GRM5: variants seen among roughly 807,000 people sequenced by gnomAD.
GRM5 encodes metabotropic glutamate receptor 5.
In GRM5, 19 loss-of-function variants were observed where a neutral mutation model predicts 83.1. The observed-to-expected ratio is 0.23, with a 90% confidence interval of 0.16 to 0.34. The LOEUF (loss-of-function observed/expected upper bound fraction) is 0.34, where lower values mean the gene tolerates loss of function less well. Ranked by LOEUF, GRM5 falls within the 10% of genes least tolerant of loss-of-function variation. The pLI is 1.00. For missense variants in GRM5, 1,160 were observed against 1,588.3 expected, an observed-to-expected ratio of 0.73 and a Z score of 4.58; for synonymous variants, 675 against 633.6, an observed-to-expected ratio of 1.07 and a Z score of -0.98.
At chr11:88,614,075 C>G (rs768062795) in intron 4 of GRM5, among the ~76,000 whole-genome samples, 9 of 152,142 alleles carry the variant, frequency 5.9e-5, no homozygotes, top group Non-Finnish European at 2.9e-5. Context: ...GCAACTCTGC[C>G]TCCCAACCAC....
chr11:88,902,579 C>T (rs933161366), intron 2 of GRM5, among the ~76,000 whole-genome samples: 1 of 152,060 alleles, frequency 6.6e-6, no homozygotes, highest in Non-Finnish European at 1.5e-5. Flanking sequence ...GAGAGCACAT[C>T]CAAGTTGCTC....
At chr11:88,924,833 A>T (rs533991920) in intron 2 of GRM5, among the ~76,000 whole-genome samples, 17 of 152,166 alleles carry the variant, frequency 1.1e-4, no homozygotes, top group African/African-American at 4.1e-4. Flanking sequence ...CTCACCACAC[A>T]TAAGTCACCT....
rs546889595 is a variant in GRM5, at chr11:88,814,795, T to C, written c.911+35111A>G. Among the ~76,000 whole-genome samples, 4 of 151,810 alleles carry C rather than the reference T, an allele frequency of 2.6e-5. No homozygotes were observed. The East Asian group carries it at 7.7e-4, about 29-fold the overall frequency. On this transcript the variant is annotated intron_variant, in intron 3 of 9. Coordinates refer to ENST00000305447, the MANE Select transcript of GRM5 (RefSeq NM_001143831.3). ...AGAATAGTGGGAAAAAAACAACCAA[T>C]AATGAAAAAAAATAACAAGTAATTG...
At chr11:88,905,008 T>G (rs1590953284) in intron 2 of GRM5, among the ~76,000 whole-genome samples, 3 of 152,208 alleles carry the variant, frequency 2.0e-5, no homozygotes, top group South Asian at 2.1e-4. Context: ...TATATGATTA[T>G]GCTGCCGAAT....
chr11:88,525,330 C>T lies in GRM5; in HGVS notation c.2705G>A (p.Gly902Asp). 1 of 1,608,168 alleles carries T rather than the reference C, an allele frequency of 6.2e-7. No homozygotes were observed. Among genetic ancestry groups the T allele is most frequent in the Non-Finnish European group, 8.5e-7 (1 of 1,174,646 alleles). ...TTACCTGCTCATTGTTGCTCTCCCA[C>T]CATTCCCCATACTCCCTTTGGGGGT... ...CFTPKGSMGN[G>D]GRATMSSSNG... The change falls in exon 9 of 10, where the codon GGT (glycine) becomes GAT (aspartate). Residue 902 changes from glycine to aspartate, a missense_variant. Around this residue, in one of 9 missense-constraint regions of GRM5, gnomAD observed 562 missense variants for 532.4 expected, o/e 1.06. Coordinates refer to ENST00000305447, the MANE Select transcript of GRM5 (RefSeq NM_001143831.3).
At chr11:88,967,802 G>A (rs1024098940) in intron 2 of GRM5, among the ~76,000 whole-genome samples, 9 of 152,062 alleles carry the variant, frequency 5.9e-5, no homozygotes, top group African/African-American at 2.2e-4. Flanking sequence ...CCATTTGTCT[G>A]AGGCTAGAGG....
At chr11:88,884,978 T>C (rs1301461598) in intron 2 of GRM5, among the ~76,000 whole-genome samples, 4 of 152,186 alleles carry the variant, frequency 2.6e-5, no homozygotes, top group South Asian at 2.1e-4. Flanking sequence ...GTCCTTAAAA[T>C]TGAATAATAT....
chr11:88,656,828 C>A (rs1353200356), intron 3 of GRM5, among the ~76,000 whole-genome samples: 1 of 151,792 alleles, frequency 6.6e-6, no homozygotes, highest in Non-Finnish European at 1.5e-5. Flanking sequence ...ATTTATATAA[C>A]ATGTATGTTA....
chr11:88,553,661 A>G (rs187846519), intron 8 of GRM5, among the ~76,000 whole-genome samples: 1 of 152,268 alleles, frequency 6.6e-6, no homozygotes, highest in African/African-American at 2.4e-5. Flanking sequence ...AGTAGGGGGA[A>G]TTGGTAGAAC....
chr11:88,695,311 A>C (rs1417414619), intron 3 of GRM5, among the ~76,000 whole-genome samples: 1 of 152,206 alleles, frequency 6.6e-6, no homozygotes, highest in Non-Finnish European at 1.5e-5. Flanking sequence ...TTGCTTGATC[A>C]TTTCTTAACC....
At chr11:89,002,343 C>A (rs1287511568) in intron 2 of GRM5, among the ~76,000 whole-genome samples, 1 of 152,090 alleles carries the variant, frequency 6.6e-6, no homozygotes, top group Non-Finnish European at 1.5e-5. Context: ...CGGATATGCA[C>A]TGATTTTGTT....
At chr11:88,544,396 C>T (rs976937023) in intron 8 of GRM5, among the ~76,000 whole-genome samples, 12 of 152,196 alleles carry the variant, frequency 7.9e-5, no homozygotes, top group African/African-American at 2.7e-4. Context: ...CTGTCTGGTT[C>T]ACATTTTAGA....
chr11:89,056,896 A>G (rs1941888345), intron 1 of GRM5, among the ~76,000 whole-genome samples: 1 of 152,178 alleles, frequency 6.6e-6, no homozygotes, highest in Non-Finnish European at 1.5e-5. Flanking sequence ...ATAGAAAACA[A>G]TAGACATATT....
chr11:88,991,967 T>G (rs550435291), intron 2 of GRM5, among the ~76,000 whole-genome samples: 3,187 of 152,132 alleles, frequency 0.021, 109 homozygotes, highest in African/African-American at 0.074. Flanking sequence ...GGACTTCATG[T>G]CTAAAACACC....
At chr11:88,719,199 C>T (rs1029688423) in intron 3 of GRM5, among the ~76,000 whole-genome samples, 1 of 151,848 alleles carries the variant, frequency 6.6e-6, no homozygotes, top group African/African-American at 2.4e-5. Context: ...GTTATTTTTA[C>T]TAACCCTCTA....
At chr11:88,906,603 A>G (rs190188701) in intron 2 of GRM5, among the ~76,000 whole-genome samples, 2 of 152,304 alleles carry the variant, frequency 1.3e-5, no homozygotes, top group African/African-American at 4.8e-5. Flanking sequence ...GAAAATACAT[A>G]TATGTCAAAA....
chr11:88,972,457 A>G (rs1441107756), intron 2 of GRM5, among the ~76,000 whole-genome samples: 1 of 152,176 alleles, frequency 6.6e-6, no homozygotes, highest in East Asian at 1.9e-4. Flanking sequence ...AACTCTTAAC[A>G]ATAATAATGA....
chr11:88,655,859 A>C (rs1939755863), intron 3 of GRM5, among the ~76,000 whole-genome samples: 1 of 152,124 alleles, frequency 6.6e-6, no homozygotes, highest in Admixed American at 6.6e-5. Flanking sequence ...CCCAATATCT[A>C]TGTGACAAAA....
intron 2 of GRM5, among the ~76,000 whole-genome samples, chr11:88,956,377 T>C (rs1476002153): frequency 1.3e-5 from 2 of 152,240 alleles, no homozygotes; most frequent in Non-Finnish European, 2.9e-5. Flanking sequence ...TTTATTCACT[T>C]ATTCAAGAAA....
Sources: allele counts gnomAD v4.1 joint callset (sites outside exome capture counted in the v4.1 genomes callset), GRCh38; gene constraint gnomAD v4.1.1; regional missense constraint gnomAD v4.1.1; transcripts MANE v1.5; gene names NCBI Gene and HGNC (gene_info 2026-07-23, HGNC 2026-07-21).